Variants in NOS1 observed in about 807,000 individuals in gnomAD.
The protein encoded by NOS1 is nitric oxide synthase 1.
NOS1 carries 51 observed loss-of-function variants against 164.5 expected under a neutral mutation model. That is an observed-to-expected ratio of 0.31 (90% CI 0.25 to 0.39). The LOEUF is 0.39. Ranked by LOEUF, NOS1 falls within the 10% of genes least tolerant of loss-of-function variation. NOS1 has a pLI of 1.00. For synonymous variants in NOS1, 719 were observed against 745.8 expected (o/e 0.96, Z 0.59); for missense variants, 1,362 against 1,885.6 (o/e 0.72, Z 5.14).
At chr12:117,350,517 CTTGTGTGTTTGAAA>C (rs1876567986) in intron 1 of NOS1, among the ~76,000 whole-genome samples, 1 of 152,150 alleles carries the variant, frequency 6.6e-6, no homozygotes, top group Non-Finnish European at 1.5e-5. Context: ...CTCAAAGTAC[CTTGTGTGTTTGAAA>C]TGAAAGCAAA....
chr12:117,352,149 G>C (rs1023270159), intron 1 of NOS1, among the ~76,000 whole-genome samples: 2 of 151,938 alleles, frequency 1.3e-5, no homozygotes, highest in Non-Finnish European at 2.9e-5. Context: ...CTCCAGCCTG[G>C]GTGACAGAGT....
chr12:117,322,488 T>C (rs1230986398), intron 2 of NOS1, among the ~76,000 whole-genome samples: 51 of 92,376 alleles, frequency 5.5e-4, no homozygotes, highest in Admixed American at 9.9e-4. Flanking sequence ...CTCCTTCCTT[T>C]CCTCTCTCCT....
Position 117,210,682 on chromosome 12 carries a change from G to T in NOS1, c.*4627C>A. ...TCAGGACACCTCTCACTTGTTTTGA[G>T]CTTAGGGCAAGACCTGACCTCTTTC... On this transcript the variant is annotated 3_prime_UTR_variant, in exon 29 of 29. Transcript: ENST00000317775. 1 of 985,434 alleles carries T rather than the reference G, an allele frequency of 1.0e-6. No individual in the cohort carries two copies. Among genetic ancestry groups the T allele is most frequent in the Non-Finnish European group, 1.2e-6 (1 of 829,952 alleles). 61.0% of individuals were successfully genotyped at this position (985,434 alleles called of 1,614,324 possible). A position where few individuals can be genotyped will look rare whatever the true frequency, so the allele number is the denominator to read the frequency against.
chr12:117,258,656 A>G (rs1036040460), intron 15 of NOS1, among the ~76,000 whole-genome samples: 2 of 152,122 alleles, frequency 1.3e-5, no homozygotes, highest in African/African-American at 4.8e-5. Context: ...TTAAATGACT[A>G]CAGGTGTGGA....
chr12:117,354,847 T>A (rs1329084712), intron 1 of NOS1, among the ~76,000 whole-genome samples: 1 of 152,240 alleles, frequency 6.6e-6, no homozygotes, highest in East Asian at 1.9e-4. Flanking sequence ...TTGTGTTTGT[T>A]AAATGAAGAA....
At chr12:117,275,422 T>C (rs1873101034) in intron 9 of NOS1, among the ~76,000 whole-genome samples, 1 of 152,058 alleles carries the variant, frequency 6.6e-6, no homozygotes, top group South Asian at 2.1e-4. Flanking sequence ...CTGAATATTC[T>C]CACTCATAGG....
At chr12:117,216,340 G>A (rs1403942356) in intron 28 of NOS1, among the ~76,000 whole-genome samples, 2 of 151,718 alleles carry the variant, frequency 1.3e-5, no homozygotes, top group Admixed American at 1.3e-4. Flanking sequence ...CTGCCACGAC[G>A]CTCGGCTAAT....
In NOS1 at chr12:117,356,272, C is replaced by T. The variant is rs1876847962; in HGVS notation, c.-421+5240G>A. 6.6e-6 allele frequency among the ~76,000 whole-genome samples: 1 copy of T among 152,208 alleles called. No homozygotes were observed. The highest frequency in any genetic ancestry group is 1.5e-5 in the Non-Finnish European group (1 of 68,036). The stretch of plus-strand genomic sequence containing the variant: ...CACAAGTGCCCAAGCTGGCCTCTGA[C>T]GTTTCCTAAGATGATTCTCAGTGTG... On this transcript the variant is annotated intron_variant, in intron 1 of 28. Coordinates refer to ENST00000317775, the MANE Select transcript of NOS1 (RefSeq NM_000620.5). This position sits in a 1 kb window ranked among gnomAD's most constrained non-coding sequence, Gnocchi z 4.2.
chr12:117,232,698 T>C (rs1209206482), intron 21 of NOS1, among the ~76,000 whole-genome samples: 2 of 152,112 alleles, frequency 1.3e-5, no homozygotes, highest in Non-Finnish European at 2.9e-5. Flanking sequence ...AGTCAGGCAG[T>C]GTGGCTTCAG....
intron 20 of NOS1, among the ~76,000 whole-genome samples, chr12:117,237,198 C>G (rs530887494): frequency 6.6e-6 from 1 of 151,882 alleles, no homozygotes; most frequent in Non-Finnish European, 1.5e-5. Flanking sequence ...CTCTCTGTTG[C>G]CCAGGCTGGA....
chr12:117,318,076 G>A (rs1874749305), intron 2 of NOS1, among the ~76,000 whole-genome samples: 1 of 152,306 alleles, frequency 6.6e-6, no homozygotes, highest in African/African-American at 2.4e-5. Context: ...GGAGGCTGAG[G>A]CAGGAGAATC....
In NOS1 at chr12:117,243,416, C is replaced by T; in HGVS notation, c.2843G>A (p.Cys948Tyr). The change falls in exon 19 of 29, where the codon TGT (cysteine) becomes TAT (tyrosine). Residue 948 changes from cysteine (C) to tyrosine (Y), a missense_variant. Cys to Tyr is a radical substitution (Grantham distance 194). Coordinates refer to ENST00000317775, the MANE Select transcript of NOS1 (RefSeq NM_000620.5). The surrounding 1 kb of genome is among the most constrained non-coding windows in gnomAD (Gnocchi z 4.3). The stretch of plus-strand genomic sequence containing the variant: ...TTCAATGTTGACATCATCTCCCACA[C>T]AGAAGACATCACAGGCTGCCTGTGG... ...KVFKAACDVF[C>Y]VGDDVNIEKA... The T allele has an allele frequency of 1.2e-6, 2 of 1,614,122 alleles. No individual in the cohort carries two copies. The highest frequency in any genetic ancestry group is 1.7e-6 in the Non-Finnish European group (2 of 1,180,012).
chr12:117,309,900 T>C (rs1874345299), intron 3 of NOS1, among the ~76,000 whole-genome samples: 1 of 152,150 alleles, frequency 6.6e-6, no homozygotes, highest in African/African-American at 2.4e-5. Flanking sequence ...TAGGAATTTA[T>C]TCTATTTTGT....
intron 3 of NOS1, among the ~76,000 whole-genome samples, chr12:117,292,389 A>T (rs1275275728): frequency 6.6e-6 from 1 of 152,154 alleles, no homozygotes; most frequent in Admixed American, 6.5e-5. Flanking sequence ...AAGTGTAAGG[A>T]GATAAAATCA....
At chr12:117,279,569 T>C (rs1254302270) in intron 8 of NOS1, among the ~76,000 whole-genome samples, 2 of 152,164 alleles carry the variant, frequency 1.3e-5, no homozygotes, top group Non-Finnish European at 2.9e-5. Context: ...AAGGTAAAAT[T>C]GCATGGTTAG....
chr12:117,334,178 T>C (rs534269849), intron 1 of NOS1, among the ~76,000 whole-genome samples: 6 of 152,334 alleles, frequency 3.9e-5, no homozygotes, highest in Admixed American at 1.3e-4. Flanking sequence ...TTCTTCTCTC[T>C]TTCTCTGCTG....
chr12:117,341,598 C>T (rs1241680794), intron 1 of NOS1, among the ~76,000 whole-genome samples: 2 of 152,168 alleles, frequency 1.3e-5, no homozygotes, highest in Non-Finnish European at 2.9e-5. Context: ...TTCCTTCTAT[C>T]CATGGACGCT....
At chr12:117,314,483 G>T (rs930353565) in intron 2 of NOS1, among the ~76,000 whole-genome samples, 6 of 152,152 alleles carry the variant, frequency 3.9e-5, no homozygotes, top group African/African-American at 1.4e-4. Context: ...GACATTAAAA[G>T]CCCCCATTTT....
At chr12:117,300,201 A>C (rs1157281963) in intron 3 of NOS1, among the ~76,000 whole-genome samples, 1 of 152,292 alleles carries the variant, frequency 6.6e-6, no homozygotes, top group African/African-American at 2.4e-5. Flanking sequence ...ACAGAGAGGA[A>C]GAAAAATGAC....
Sources: allele counts gnomAD v4.1 joint callset (sites outside exome capture counted in the v4.1 genomes callset), GRCh38; gene constraint gnomAD v4.1.1; non-coding constraint Gnocchi (gnomAD v3.1); transcripts MANE v1.5; gene names NCBI Gene and HGNC (gene_info 2026-07-23, HGNC 2026-07-21).